The following BABAM2 variants were observed in gnomAD, a reference collection of about 807,000 sequenced individuals.
BABAM2 encodes BRISC and BRCA1 A complex member 2, also known as BRISC and BRCA1-A complex member 2.
BABAM2 carries 31 observed loss-of-function variants against 54.7 expected under a neutral mutation model. That is an observed-to-expected ratio of 0.57 (90% CI 0.43 to 0.77). BABAM2 has a LOEUF of 0.77. Ranked by LOEUF, BABAM2 falls within the 30% of genes least tolerant of loss-of-function variation. The pLI is 0.00. For missense variants in BABAM2, 364 were observed against 455.8 expected, an observed-to-expected ratio of 0.80 and a Z score of 1.83; for synonymous variants, 167 against 162.9, an observed-to-expected ratio of 1.03 and a Z score of -0.19.
At chr2:28,283,976 C>A (rs1217654719) in intron 10 of BABAM2, among the ~76,000 whole-genome samples, 1 of 152,172 alleles carries the variant, frequency 6.6e-6, no homozygotes, top group Non-Finnish European at 1.5e-5. Flanking sequence ...GCATGCTTTT[C>A]TTCGGATTAA....
intron 7 of BABAM2, among the ~76,000 whole-genome samples, chr2:28,130,676 A>G (rs565272909): frequency 6.0e-5 from 9 of 150,652 alleles, no homozygotes; most frequent in Non-Finnish European, 1.3e-4. Flanking sequence ...CTAGTCTCAA[A>G]CTCCTAGGCT....
At chr2:27,966,596 T>G (rs904939088) in intron 3 of BABAM2, among the ~76,000 whole-genome samples, 4 of 152,238 alleles carry the variant, frequency 2.6e-5, no homozygotes, top group Admixed American at 6.5e-5. Context: ...CATCTTGTAC[T>G]TTTTAAACTC....
intron 6 of BABAM2, among the ~76,000 whole-genome samples, chr2:28,119,866 C>G (rs903101839): frequency 6.6e-6 from 1 of 152,144 alleles, no homozygotes; most frequent in Non-Finnish European, 1.5e-5. Flanking sequence ...GTAGCTATTT[C>G]AAGAACATTG....
At chr2:28,265,413 C>T (rs760020519) in intron 10 of BABAM2, among the ~76,000 whole-genome samples, 19 of 152,174 alleles carry the variant, frequency 1.2e-4, no homozygotes, top group Non-Finnish European at 2.8e-4. Context: ...GGTGACAGAG[C>T]GAGACTCTGT....
chr2:28,112,183 C>CTCCCTCCT (rs1173608007), intron 6 of BABAM2, among the ~76,000 whole-genome samples: 2 of 69,870 alleles, frequency 2.9e-5, no homozygotes, highest in Non-Finnish European at 5.3e-5. Flanking sequence ...CCCTCCCTCC[C>CTCCCTCCT]TCCCTCCCTC....
At chr2:27,976,996 C>T (rs1483530932) in intron 3 of BABAM2, among the ~76,000 whole-genome samples, 1 of 152,120 alleles carries the variant, frequency 6.6e-6, no homozygotes, top group African/African-American at 2.4e-5. Context: ...GTTTGAGAGC[C>T]TAATTCATGT....
intron 6 of BABAM2, among the ~76,000 whole-genome samples, chr2:28,128,373 CA>C (rs1374462744): frequency 6.6e-6 from 1 of 152,188 alleles, no homozygotes; most frequent in Non-Finnish European, 1.5e-5. Context: ...AAATTAAAAT[CA>C]ATGTGTGCCA....
Position 28,070,116 on chromosome 2 carries a change from G to A in BABAM2, c.570+24317G>A, listed in dbSNP as rs144902922. Among the ~76,000 whole-genome samples, 161 of 152,296 alleles carry A rather than the reference G, an allele frequency of 1.1e-3. 2 individuals carry two copies. The East Asian group carries it at 0.015, about 14-fold the overall frequency. On this transcript the variant is annotated intron_variant, in intron 6 of 11. Coordinates refer to ENST00000379624, the MANE Select transcript of BABAM2 (RefSeq NM_199191.3). ...TATCAAATCCAATTTGAGATATTAC[G>A]TGGAATCAACTTAAAAGAACTAGAC... is the stretch of plus-strand genomic sequence containing the variant.
At chr2:27,929,779 A>G in intron 2 of BABAM2, 53 bp from the exon 3 acceptor site, 3 of 1,522,000 alleles carry the variant, frequency 2.0e-6, no homozygotes, top group Non-Finnish European at 2.7e-6. Flanking sequence ...GTGGGTTTTT[A>G]AAGTTTGTTT....
chr2:28,071,492 T>A (rs1262397398), intron 6 of BABAM2, among the ~76,000 whole-genome samples: 1 of 152,234 alleles, frequency 6.6e-6, no homozygotes, highest in Non-Finnish European at 1.5e-5. Flanking sequence ...TGTTCTTTTA[T>A]CCGAAGGCAC....
intron 6 of BABAM2, among the ~76,000 whole-genome samples, chr2:28,103,258 T>C (rs1573582472): frequency 6.6e-6 from 1 of 152,116 alleles, no homozygotes; most frequent in African/African-American, 2.4e-5. Flanking sequence ...TGTCCTACTT[T>C]GTATTGTGAG....
chr2:28,100,221 C>T (rs866557284), intron 6 of BABAM2, among the ~76,000 whole-genome samples: 7 of 151,736 alleles, frequency 4.6e-5, no homozygotes, highest in Admixed American at 3.3e-4. Flanking sequence ...AGGCTGGGGG[C>T]GGGTGGGGAT....
At chr2:28,256,173 C>T (rs867139152) in intron 10 of BABAM2, among the ~76,000 whole-genome samples, 2 of 152,122 alleles carry the variant, frequency 1.3e-5, no homozygotes, top group East Asian at 3.8e-4. Context: ...ATTTCTTTAG[C>T]AGATACATAG....
chr2:28,105,938 G>C, intron 6 of BABAM2, among the ~76,000 whole-genome samples: 1 of 146,690 alleles, frequency 6.8e-6, no homozygotes, highest in Non-Finnish European at 1.5e-5. Context: ...TCCAGCTCCT[G>C]TCTTTTTTTT....
At chr2:28,066,116 G>A (rs890609327) in intron 6 of BABAM2, among the ~76,000 whole-genome samples, 3 of 150,236 alleles carry the variant, frequency 2.0e-5, no homozygotes, top group Non-Finnish European at 3.0e-5. Flanking sequence ...CCGAGATCGC[G>A]CCACTGCACT....
At chr2:27,945,439 C>T (rs1339973021) in intron 3 of BABAM2, among the ~76,000 whole-genome samples, 3 of 152,142 alleles carry the variant, frequency 2.0e-5, no homozygotes, top group Admixed American at 6.5e-5. Context: ...GAATACAACA[C>T]GATCCTGACT....
chr2:28,300,027 C>T (rs1687984853), intron 11 of BABAM2, among the ~76,000 whole-genome samples: 1 of 152,184 alleles, frequency 6.6e-6, no homozygotes, highest in South Asian at 2.1e-4. Flanking sequence ...CAACCTCCAC[C>T]TCCCAGGATC....
At chr2:28,254,260 C>T (rs1442563869) in intron 10 of BABAM2, among the ~76,000 whole-genome samples, 2 of 152,150 alleles carry the variant, frequency 1.3e-5, no homozygotes, top group Non-Finnish European at 2.9e-5. Flanking sequence ...CCCCAGCCTC[C>T]CAAGTATCTG....
At chr2:28,036,442 G>C (rs1676667542) in intron 5 of BABAM2, among the ~76,000 whole-genome samples, 1 of 152,172 alleles carries the variant, frequency 6.6e-6, no homozygotes, top group South Asian at 2.1e-4. Flanking sequence ...GTGTTGATTA[G>C]ATCAGGGAGG....
Sources: allele counts gnomAD v4.1 joint callset (sites outside exome capture counted in the v4.1 genomes callset), GRCh38; gene constraint gnomAD v4.1.1; transcripts MANE v1.5; gene names NCBI Gene and HGNC (gene_info 2026-07-23, HGNC 2026-07-21).